HCN1: variants seen among roughly 807,000 people sequenced by gnomAD.
HCN1 encodes the protein potassium/sodium hyperpolarization-activated cyclic nucleotide-gated channel 1.
A neutral mutation model predicts 78.9 loss-of-function variants in HCN1; 13 were observed. The ratio of observed to expected loss-of-function variants is 0.16; its 90% CI spans 0.11 to 0.26. HCN1 has a LOEUF of 0.26. HCN1 is among the 10% of genes least tolerant of loss of function. The pLI, the probability that HCN1 is intolerant of heterozygous loss-of-function variation, is 1.00. For synonymous variants in HCN1, 552 were observed against 455.5 expected (o/e 1.21, Z -2.70); for missense variants, 810 against 1,154.3 (o/e 0.70, Z 4.32).
chr5:45,536,041 G>T (rs1203707926), intron 2 of HCN1, among the ~76,000 whole-genome samples: 2 of 152,018 alleles, frequency 1.3e-5, no homozygotes, highest in African/African-American at 2.4e-5. Context: ...TAACTTTAAA[G>T]ATATTATTAT....
intron 6 of HCN1, among the ~76,000 whole-genome samples, chr5:45,302,610 G>A (rs1745650144): frequency 6.6e-6 from 1 of 151,076 alleles, no homozygotes; most frequent in African/African-American, 2.4e-5. Context: ...TTGTACATGT[G>A]TAGAAACATA....
At chr5:45,548,332 C>T (rs1743274529) in intron 2 of HCN1, among the ~76,000 whole-genome samples, 2 of 151,456 alleles carry the variant, frequency 1.3e-5, no homozygotes, top group Admixed American at 1.3e-4. Context: ...GTTTTCTAAG[C>T]CTAGATTTAA....
chr5:45,355,714 G>A (rs187241735), intron 4 of HCN1, among the ~76,000 whole-genome samples: 1 of 151,976 alleles, frequency 6.6e-6, no homozygotes, highest in Non-Finnish European at 1.5e-5. Flanking sequence ...CTAAAAAGTG[G>A]AACTTATGTT....
intron 5 of HCN1, 33 bp from the exon 6 acceptor site, chr5:45,303,872 G>A (rs755150508): frequency 6.3e-7 from 1 of 1,578,426 alleles, no homozygotes; most frequent in Non-Finnish European, 8.7e-7. Flanking sequence ...AATATTAAGA[G>A]AGATATTAAT....
chr5:45,505,757 T>C (rs1742284564), intron 2 of HCN1, among the ~76,000 whole-genome samples: 1 of 152,168 alleles, frequency 6.6e-6, no homozygotes, highest in Admixed American at 6.5e-5. Context: ...TATATAAATA[T>C]ACATGCATAT....
chr5:45,303,570 T>C lies in HCN1; in HGVS notation c.1618+29A>G, dbSNP rs16902099. 4,653 of 1,611,322 alleles carry C rather than the reference T, an allele frequency of 2.9e-3. 130 individuals are homozygous for C. In the African/African-American group the frequency reaches 0.056, roughly 19 times the overall value. On this transcript the variant is annotated intron_variant, in intron 6 of 7. Transcript: ENST00000303230. ...GATACAAATCTCAAGCAGTTTAGAT[T>C]TCATCTTAGTTGCATCTTTTTTACT...
chr5:45,582,403 C>G (rs1454784863), intron 2 of HCN1, among the ~76,000 whole-genome samples: 1 of 152,140 alleles, frequency 6.6e-6, no homozygotes, highest in East Asian at 1.9e-4. Context: ...TTGCCTATCA[C>G]CTTAAGGAGA....
chr5:45,389,275 C>A (rs1747991641), intron 4 of HCN1, among the ~76,000 whole-genome samples: 1 of 152,050 alleles, frequency 6.6e-6, no homozygotes, highest in Admixed American at 6.6e-5. Flanking sequence ...ACTTTCATGT[C>A]TTACTTCTCA....
At chr5:45,376,349 TAGAGAGAGAGAG>T (rs374514550) in intron 4 of HCN1, among the ~76,000 whole-genome samples, 1 of 109,494 alleles carries the variant, frequency 9.1e-6, no homozygotes, top group South Asian at 2.7e-4. Flanking sequence ...TATATATATA[TAGAGAGAGAGAG>T]AGAGAGAGAG....
chr5:45,450,782 A>C (rs1005895563), intron 3 of HCN1, among the ~76,000 whole-genome samples: 6 of 152,178 alleles, frequency 3.9e-5, no homozygotes, highest in Admixed American at 3.9e-4. Context: ...TCAGGAAAAT[A>C]AATAGTGTTA....
At chr5:45,663,640 G>T (rs1383148792) in intron 1 of HCN1, among the ~76,000 whole-genome samples, 1 of 150,812 alleles carries the variant, frequency 6.6e-6, no homozygotes, top group South Asian at 2.1e-4. Flanking sequence ...ATCAAAAAGT[G>T]GGTGAAGGAC....
At chr5:45,556,261 G>A (rs1010595049) in intron 2 of HCN1, among the ~76,000 whole-genome samples, 1 of 151,752 alleles carries the variant, frequency 6.6e-6, no homozygotes, top group African/African-American at 2.4e-5. Flanking sequence ...AATCAACAAA[G>A]TAAAAAAGAC....
intron 3 of HCN1, among the ~76,000 whole-genome samples, chr5:45,455,504 GTC>G (rs1212213422): frequency 6.6e-6 from 1 of 151,880 alleles, no homozygotes; most frequent in African/African-American, 2.4e-5. Context: ...CTAGAATAAT[GTC>G]TGGAACAAAG....
chr5:45,509,280 G>C (rs1000545593), intron 2 of HCN1, among the ~76,000 whole-genome samples: 4 of 152,094 alleles, frequency 2.6e-5, no homozygotes, highest in African/African-American at 9.7e-5. Context: ...TTGTGCCAGG[G>C]AGTTAGACAC....
intron 5 of HCN1, among the ~76,000 whole-genome samples, chr5:45,347,865 T>G (rs1422218636): frequency 6.6e-6 from 1 of 152,128 alleles, no homozygotes; most frequent in Non-Finnish European, 1.5e-5. Flanking sequence ...TGGGATTATA[T>G]GAAAAGACCA....
At chr5:45,340,891 T>C (rs1746565354) in intron 5 of HCN1, among the ~76,000 whole-genome samples, 1 of 152,178 alleles carries the variant, frequency 6.6e-6, no homozygotes, top group African/African-American at 2.4e-5. Flanking sequence ...ATCCAATTCA[T>C]GCTGAAGCTT....
chr5:45,494,993 G>A (rs1222823089), intron 2 of HCN1, among the ~76,000 whole-genome samples: 9 of 137,206 alleles, frequency 6.6e-5, no homozygotes, highest in East Asian at 2.2e-4. Flanking sequence ...TGCTGTTTTG[G>A]TTACTGTAGC....
chr5:45,369,032 G>T (rs1053742021), intron 4 of HCN1, among the ~76,000 whole-genome samples: 4 of 150,872 alleles, frequency 2.7e-5, no homozygotes, highest in Non-Finnish European at 4.4e-5. Context: ...CTGTTTTGTT[G>T]TCACTCTTAT....
intron 3 of HCN1, among the ~76,000 whole-genome samples, chr5:45,425,399 A>G (rs937245510): frequency 6.6e-6 from 1 of 152,254 alleles, no homozygotes; most frequent in Non-Finnish European, 1.5e-5. Context: ...AAAAGTGCAT[A>G]AAATAACTCT....
Sources: gnomAD v4.1 joint callset for allele counts (sites outside exome capture counted in the v4.1 genomes callset) on GRCh38, gnomAD v4.1.1 for gene constraint, MANE v1.5 for transcripts, NCBI Gene and HGNC (gene_info 2026-07-23, HGNC 2026-07-21) for gene names.